Variants in IL1RAPL1 observed in about 807,000 individuals in gnomAD.
IL1RAPL1 encodes interleukin 1 receptor accessory protein like 1.
Under a neutral mutation model 48.4 loss-of-function variants are expected in IL1RAPL1, and 3 were observed. That is an observed-to-expected ratio of 0.06 (90% CI 0.03 to 0.16). The LOEUF is 0.16. Among genes scored for constraint, IL1RAPL1 ranks in the 10% least tolerant of loss-of-function variants. IL1RAPL1 has a pLI of 1.00. For synonymous variants in IL1RAPL1, 185 were observed against 187.7 expected (o/e 0.99, Z 0.12); for missense variants, 349 against 530.6 (o/e 0.66, Z 3.36).
chrX:28,897,463 A>G (rs1922955466), intron 2 of IL1RAPL1, among the ~76,000 whole-genome samples: 1 of 109,478 alleles, frequency 9.1e-6, no homozygotes, highest in Admixed American at 9.8e-5. Flanking sequence ...AAATTAAGAG[A>G]AGGGAGAGAT....
At chrX:29,480,579 G>C (rs748482230) in intron 5 of IL1RAPL1, among the ~76,000 whole-genome samples, 1 of 110,449 alleles carries the variant, frequency 9.1e-6, no homozygotes, top group African/African-American at 3.3e-5. Flanking sequence ...TATATGTAAT[G>C]AAAGTTTCAA....
chrX:28,749,498 T>A (rs1477960751), intron 1 of IL1RAPL1, among the ~76,000 whole-genome samples: 1 of 111,898 alleles, frequency 8.9e-6, no homozygotes, highest in Non-Finnish European at 1.9e-5. Flanking sequence ...TGATTTGCAT[T>A]TCTCTAATGA....
intron 2 of IL1RAPL1, among the ~76,000 whole-genome samples, chrX:29,018,115 A>G (rs1926282867): frequency 8.9e-6 from 1 of 111,873 alleles, no homozygotes; most frequent in African/African-American, 3.2e-5. Context: ...CTTTGTATTG[A>G]TATTTTCTGA....
At chrX:29,848,421 C>A (rs1405898552) in intron 6 of IL1RAPL1, among the ~76,000 whole-genome samples, 1 of 101,944 alleles carries the variant, frequency 9.8e-6, no homozygotes, top group Non-Finnish European at 1.9e-5. Flanking sequence ...TATTTTTTTT[C>A]TTTTCCAAAA....
chrX:28,637,931 C>G (rs1019512131), intron 1 of IL1RAPL1, among the ~76,000 whole-genome samples: 2 of 111,985 alleles, frequency 1.8e-5, no homozygotes, highest in African/African-American at 3.2e-5. Context: ...TCCCCAAAAC[C>G]ATACTTTTTA....
intron 2 of IL1RAPL1, among the ~76,000 whole-genome samples, chrX:28,835,541 A>G (rs1921182920): frequency 9.0e-6 from 1 of 111,160 alleles, no homozygotes; most frequent in African/African-American, 3.3e-5. Flanking sequence ...AGGAAATTCT[A>G]TGTTTTGAAA....
intron 3 of IL1RAPL1, among the ~76,000 whole-genome samples, chrX:29,344,460 CT>C (rs1182963381): frequency 3.6e-5 from 4 of 111,103 alleles, no homozygotes; most frequent in Non-Finnish European, 7.5e-5. Flanking sequence ...ATTCACTTTC[CT>C]TTTTTAAAGT....
chrX:29,015,674 A>G (rs928630211), intron 2 of IL1RAPL1, among the ~76,000 whole-genome samples: 3 of 111,171 alleles, frequency 2.7e-5, no homozygotes, highest in Admixed American at 1.9e-4. Context: ...AGAAAGGACA[A>G]GAAATATTTT....
chrX:29,705,652 C>T (rs1169236745), intron 6 of IL1RAPL1, among the ~76,000 whole-genome samples: 1 of 112,175 alleles, frequency 8.9e-6, no homozygotes, highest in African/African-American at 3.2e-5. Flanking sequence ...AGCTAGTGGA[C>T]GGTGGAGCAT....
At chrX:29,077,618 A>AGAAAAG (rs1555960263) in intron 2 of IL1RAPL1, among the ~76,000 whole-genome samples, 1 of 104,674 alleles carries the variant, frequency 9.6e-6, no homozygotes, top group African/African-American at 3.7e-5. Flanking sequence ...GAAAAAAAAA[A>AGAAAAG]AAAAGAAAAA....
chrX:28,615,046 G>A (rs182321432), intron 1 of IL1RAPL1, among the ~76,000 whole-genome samples: 8,532 of 108,707 alleles, frequency 0.078, 283 homozygotes, highest in African/African-American at 0.12. Context: ...CCGCCACCAC[G>A]CCCGGCTACT....
chrX:29,289,669 A>T (rs890747323), intron 3 of IL1RAPL1, among the ~76,000 whole-genome samples: 2 of 112,322 alleles, frequency 1.8e-5, no homozygotes, highest in Non-Finnish European at 3.8e-5. Flanking sequence ...AGGAGAATTG[A>T]TATCTTTACC....
intron 5 of IL1RAPL1, among the ~76,000 whole-genome samples, chrX:29,534,657 A>T (rs955506581): frequency 1.8e-5 from 2 of 110,419 alleles, no homozygotes; most frequent in African/African-American, 6.6e-5. Context: ...CAACATGGCA[A>T]AACCTCATCT....
intron 2 of IL1RAPL1, among the ~76,000 whole-genome samples, chrX:28,900,908 A>G (rs1923058596): frequency 1.8e-5 from 2 of 112,013 alleles, no homozygotes; most frequent in South Asian, 7.4e-4. Flanking sequence ...ACTTACTGTA[A>G]GGATATTAAC....
At chrX:29,808,170 G>T (rs1930299322) in intron 6 of IL1RAPL1, among the ~76,000 whole-genome samples, 1 of 111,393 alleles carries the variant, frequency 9.0e-6, no homozygotes, top group South Asian at 3.7e-4. Context: ...TATAACAAGA[G>T]GTTTATCACT....
At chrX:28,756,391 A>C (rs1352792164) in intron 1 of IL1RAPL1, among the ~76,000 whole-genome samples, 3 of 111,678 alleles carry the variant, frequency 2.7e-5, no homozygotes, top group Non-Finnish European at 5.6e-5. Flanking sequence ...ACATTTCCTA[A>C]CTGTGTCCTA....
At position 29,523,371 on chromosome X, in the gene IL1RAPL1, T is replaced by C. The variant is rs16988636; in HGVS notation, c.703+124063T>C. ...GAGCACTGTCCCCTTTCCCAAGTAC[T>C]ACATTTTACCTGAAAAATATATGAG... On this transcript the variant is annotated intron_variant, in intron 5 of 10. Transcript: ENST00000378993. 7.3e-3 allele frequency among the ~76,000 whole-genome samples: 818 copies of C among 111,814 alleles called. 3 individuals carry two copies. The highest frequency in any genetic ancestry group is 0.025 in the African/African-American group (786 of 30,837).
Position 29,873,396 on chromosome X carries a change from T to G in IL1RAPL1, c.779-44068T>G, listed in dbSNP as rs1197244764. On this transcript the variant is annotated intron_variant, in intron 6 of 10. Coordinates refer to ENST00000378993, the MANE Select transcript of IL1RAPL1 (RefSeq NM_014271.4). ...TGTTTGTGCCCCCCCCCCAATTATA[T>G]GTTGAAAGCTAATCCCTAATGCAAT... 4.0e-5 allele frequency among the ~76,000 whole-genome samples: 4 copies of G among 99,087 alleles called. 1 individual carries two copies. Among genetic ancestry groups the G allele is most frequent in the African/African-American group, 1.5e-4 (4 of 26,998 alleles). The allele number at this position is 99,087 out of a possible 115,157, so 86.0% of individuals were successfully genotyped here.
At chrX:29,336,216 C>T (rs1186044153) in intron 3 of IL1RAPL1, among the ~76,000 whole-genome samples, 2 of 96,692 alleles carry the variant, frequency 2.1e-5, no homozygotes, top group African/African-American at 7.5e-5. Context: ...TACACACATA[C>T]ACCTTTAATA....
Sources: gnomAD v4.1 joint callset for allele counts (sites outside exome capture counted in the v4.1 genomes callset) on GRCh38, gnomAD v4.1.1 for gene constraint, MANE v1.5 for transcripts, NCBI Gene and HGNC (gene_info 2026-07-23, HGNC 2026-07-21) for gene names.